The following CDC14A variants were observed in gnomAD, a reference collection of about 807,000 sequenced individuals.
The protein encoded by CDC14A is dual specificity protein phosphatase CDC14A.
A neutral mutation model predicts 74.4 loss-of-function variants in CDC14A; 53 were observed. The observed-to-expected ratio is 0.71, with a 90% CI of 0.57 to 0.89. The LOEUF (loss-of-function observed/expected upper bound fraction) is 0.89, where lower values mean the gene tolerates loss of function less well. Ranked by LOEUF, CDC14A falls within the 40% of genes least tolerant of loss-of-function variation. The probability of loss-of-function intolerance (pLI) is 0.00; values close to 1 mark genes in which losing one functional copy is unlikely to be tolerated. For missense variants in CDC14A, 646 were observed against 713.7 expected (o/e 0.91, Z 1.08); for synonymous variants, 247 against 258.4 (o/e 0.96, Z 0.43).
chr1:100,433,174 C>T lies in CDC14A; in HGVS notation c.390-6758C>T, dbSNP rs530625162. 1.6e-4 allele frequency among the ~76,000 whole-genome samples: 25 copies of T among 152,236 alleles called. No individual in the cohort carries two copies. The South Asian group carries it at 4.8e-3, about 29-fold the overall frequency. ...ACAGGTGTGAGCCATCATGCCTGGACACATTTTTGCTTCAAAAGGTCAATA... is the reference window on the plus strand; with the variant it reads ...ACAGGTGTGAGCCATCATGCCTGGATACATTTTTGCTTCAAAAGGTCAATA... On this transcript the variant is annotated intron_variant, in intron 5 of 15. Coordinates refer to ENST00000336454, the MANE Select transcript of CDC14A (RefSeq NM_003672.4).
intron 3 of CDC14A, among the ~76,000 whole-genome samples, chr1:100,382,947 T>A (rs2100965077): frequency 6.6e-6 from 1 of 152,352 alleles, no homozygotes; most frequent in East Asian, 1.9e-4. Flanking sequence ...TATCGGGGGT[T>A]ATATACACCA....
Position 100,519,334 on chromosome 1 carries a change from C to G in CDC14A, c.*1054C>G, listed in dbSNP as rs532746601. On this transcript the variant is annotated 3_prime_UTR_variant, in exon 16 of 16. Coordinates refer to ENST00000336454, the MANE Select transcript of CDC14A (RefSeq NM_003672.4). ...CCCCCTGCTGCACACGCTAGCATAT[C>G]TGGAACCTACTATGAAAATGAAAGG... 44 of 152,212 alleles carry G rather than the reference C, an allele frequency of 2.9e-4. No individual in the cohort carries two copies. The highest frequency in any genetic ancestry group is 1.0e-3 in the African/African-American group (43 of 41,556). 9.4% of individuals were successfully genotyped at this position (152,212 alleles called of 1,614,324 possible).
chr1:100,430,294 G>A (rs1663500391), intron 5 of CDC14A, among the ~76,000 whole-genome samples: 1 of 152,174 alleles, frequency 6.6e-6, no homozygotes, highest in Admixed American at 6.5e-5. Flanking sequence ...TCTTGCTGTT[G>A]TGAGGCCAGA....
intron 11 of CDC14A, chr1:100,485,097 T>G: frequency 2.0e-6 from 2 of 985,336 alleles, no homozygotes; most frequent in Non-Finnish European, 2.4e-6. Context: ...CCCTGTTACC[T>G]CTGAATAAAA....
intron 15 of CDC14A, among the ~76,000 whole-genome samples, chr1:100,506,242 C>T (rs950412882): frequency 9.2e-5 from 14 of 152,270 alleles, no homozygotes; most frequent in South Asian, 4.1e-4. Flanking sequence ...TACTAGCTTT[C>T]TATCCTCTTG....
Position 100,466,960 on chromosome 1 carries a change from C to CT in CDC14A, c.839-985dup, listed in dbSNP as rs544581327. Among the ~76,000 whole-genome samples the CT allele has an allele frequency of 3.8e-3, 526 of 140,022 alleles. 5 individuals are homozygous for CT. The highest frequency in any genetic ancestry group is 0.012 in the African/African-American group (466 of 38,722). The allele number at this position is 140,022 out of a possible 152,430, so 91.9% of individuals were successfully genotyped here. ...ATTGTTGTTTTAGTGGGATGAAAAACTTTTTTTTTTTGTATAAAGCACAGA... is the reference window on the plus strand; with the variant it reads ...ATTGTTGTTTTAGTGGGATGAAAAACTTTTTTTTTTTTGTATAAAGCACAGA... On this transcript the variant is annotated intron_variant, in intron 9 of 15. Coordinates refer to ENST00000336454, the MANE Select transcript of CDC14A (RefSeq NM_003672.4).
intron 10 of CDC14A, among the ~76,000 whole-genome samples, chr1:100,476,169 T>C (rs769729086): frequency 5.3e-5 from 8 of 152,274 alleles, no homozygotes; most frequent in Non-Finnish European, 8.8e-5. Flanking sequence ...ATATCAGCTC[T>C]GGGCTGGGCA....
Position 100,429,518 on chromosome 1 carries a change from G to A in CDC14A, c.389+5217G>A, listed in dbSNP as rs373457391. Among the ~76,000 whole-genome samples, 57 of 151,078 alleles carry A rather than the reference G, an allele frequency of 3.8e-4. No homozygotes were observed. The South Asian group carries it at 5.6e-3, about 15-fold the overall frequency. ...TTGATCCTCAAACTTATCTGCATACGTGGGGAGCTTTAAAAAACTACTGAT... is the reference window on the plus strand; with the variant it reads ...TTGATCCTCAAACTTATCTGCATACATGGGGAGCTTTAAAAAACTACTGAT... On this transcript the variant is annotated intron_variant, in intron 5 of 15. Coordinates refer to ENST00000336454, the MANE Select transcript of CDC14A (RefSeq NM_003672.4).
At chr1:100,381,086 G>A (rs1656033305) in intron 3 of CDC14A, among the ~76,000 whole-genome samples, 1 of 152,206 alleles carries the variant, frequency 6.6e-6, no homozygotes, top group Non-Finnish European at 1.5e-5. Flanking sequence ...GAGGGTGGAA[G>A]GTGGAGGATG....
intron 8 of CDC14A, among the ~76,000 whole-genome samples, chr1:100,456,437 C>CT (rs374175220): frequency 2.7e-5 from 4 of 150,732 alleles, no homozygotes; most frequent in Non-Finnish European, 4.4e-5. Context: ...ATCCCCCCCC[C>CT]TTTTTTTTTC....
chr1:100,377,697 G>A (rs779884020), intron 3 of CDC14A, 76 bp downstream of exon 3: 136 of 1,051,886 alleles, frequency 1.3e-4, no homozygotes, highest in Non-Finnish European at 1.9e-4. Flanking sequence ...GGGTTGGTGT[G>A]CACAAAACAT....
At chr1:100,389,614 C>G (rs922145630) in intron 3 of CDC14A, among the ~76,000 whole-genome samples, 3 of 151,766 alleles carry the variant, frequency 2.0e-5, no homozygotes, top group African/African-American at 7.3e-5. Context: ...GAACGGGCTT[C>G]AGAGATGGAA....
intron 4 of CDC14A, among the ~76,000 whole-genome samples, chr1:100,420,082 A>ATATATATATATATAGT (rs58124351): frequency 9.5e-5 from 10 of 105,546 alleles, no homozygotes; most frequent in South Asian, 3.6e-4. Context: ...ATATATATAT[A>ATATATATATATATAGT]GTGTGTATGT....
intron 15 of CDC14A, chr1:100,504,897 G>A (rs1479623101): frequency 7.2e-6 from 11 of 1,534,444 alleles, no homozygotes; most frequent in Middle Eastern, 3.3e-4. Context: ...TTTAAATAAA[G>A]ACATATATTA....
chr1:100,420,063 C>CACACATATATATAT lies in CDC14A; in HGVS notation c.310-4158_310-4157insCACATATATATATA. ...ACACACACACACACACACACACACACATATATATATATATATATAGTGTGT... is the reference window on the plus strand; with the variant it reads ...ACACACACACACACACACACACACACACACATATATATATATATATATATATATATATAGTGTGT... On this transcript the variant is annotated intron_variant, in intron 4 of 15. Coordinates refer to ENST00000336454, the MANE Select transcript of CDC14A (RefSeq NM_003672.4). Among the ~76,000 whole-genome samples the CACACATATATATAT allele has an allele frequency of 7.0e-3, 429 of 61,554 alleles. 22 individuals carry two copies. The highest frequency in any genetic ancestry group is 0.011 in the Non-Finnish European group (292 of 26,146). 40.4% of individuals were successfully genotyped at this position (61,554 alleles called of 152,430 possible).
At chr1:100,436,808 A>G (rs1650931579) in intron 5 of CDC14A, among the ~76,000 whole-genome samples, 1 of 152,102 alleles carries the variant, frequency 6.6e-6, no homozygotes, top group Non-Finnish European at 1.5e-5. Context: ...AATGATTTCT[A>G]GCTTTCAAAA....
chr1:100,429,771 G>A (rs1315577994), intron 5 of CDC14A, among the ~76,000 whole-genome samples: 1 of 146,204 alleles, frequency 6.8e-6, no homozygotes, highest in East Asian at 2.0e-4. Context: ...TATATATCAA[G>A]TGTGTATATA....
upstream of CDC14A, among the ~76,000 whole-genome samples, chr1:100,349,273 C>T (rs1650707873): frequency 6.6e-6 from 1 of 151,956 alleles, no homozygotes; most frequent in Non-Finnish European, 1.5e-5. Flanking sequence ...TGTAATATTA[C>T]CTTCCTTTTG....
chr1:100,485,239 A>T (rs1416574147), intron 11 of CDC14A: 12 of 985,444 alleles, frequency 1.2e-5, no homozygotes, highest in Non-Finnish European at 1.3e-5. Context: ...TGATTTGTGT[A>T]AAGTTCCAGG....
Sources: gnomAD v4.1 joint callset for allele counts (sites outside exome capture counted in the v4.1 genomes callset) on GRCh38, gnomAD v4.1.1 for gene constraint, MANE v1.5 for transcripts, NCBI Gene and HGNC (gene_info 2026-07-23, HGNC 2026-07-21) for gene names.